MEGF10: variants seen among roughly 807,000 people sequenced by gnomAD.
MEGF10 encodes multiple epidermal growth factor-like domains protein 10.
Under a neutral mutation model 147.5 loss-of-function variants are expected in MEGF10, and 86 were observed. That is an observed-to-expected ratio of 0.58 (90% CI 0.49 to 0.70). The LOEUF (loss-of-function observed/expected upper bound fraction) is 0.70, where lower values mean the gene tolerates loss of function less well. Ranked by LOEUF, MEGF10 falls within the 30% of genes least tolerant of loss-of-function variation. The probability of loss-of-function intolerance (pLI) is 0.00; values close to 1 mark genes in which losing one functional copy is unlikely to be tolerated. For missense variants in MEGF10, 1,329 were observed against 1,487.3 expected, an observed-to-expected ratio of 0.89 and a Z score of 1.75; for synonymous variants, 478 against 525.5, an observed-to-expected ratio of 0.91 and a Z score of 1.24.
chr5:127,272,215 G>C, the MEGF10 span, among the ~76,000 whole-genome samples: 2 of 152,106 alleles, frequency 1.3e-5, no homozygotes, highest in African/African-American at 2.4e-5. Flanking sequence ...TATTTTGTCA[G>C]GTTAGTTGAA....
intron 22 of MEGF10, among the ~76,000 whole-genome samples, chr5:127,450,264 C>G (rs1766104189): frequency 6.6e-6 from 1 of 152,182 alleles, no homozygotes; most frequent in South Asian, 2.1e-4. Flanking sequence ...GCCTATAGCC[C>G]CAGCTACTTG....
intron 5 of MEGF10, among the ~76,000 whole-genome samples, chr5:127,376,360 G>T (rs1426037552): frequency 6.6e-6 from 1 of 152,168 alleles, no homozygotes; most frequent in Non-Finnish European, 1.5e-5. Context: ...TGAGAGAGTG[G>T]ATTGCGGAAT....
At chr5:127,317,345 T>C (rs925398803) in intron 1 of MEGF10, among the ~76,000 whole-genome samples, 3 of 152,240 alleles carry the variant, frequency 2.0e-5, no homozygotes, top group African/African-American at 7.2e-5. Flanking sequence ...TTTGTCAATT[T>C]TGGCTTTTGT....
chr5:127,288,844 C>G (rs1759113107), upstream of MEGF10, among the ~76,000 whole-genome samples: 3 of 152,140 alleles, frequency 2.0e-5, no homozygotes, highest in South Asian at 6.2e-4. Context: ...ATTTGGTAAA[C>G]TGGCAAACAA....
intron 9 of MEGF10, among the ~76,000 whole-genome samples, chr5:127,412,990 C>T (rs936709715): frequency 1.3e-5 from 2 of 152,108 alleles, no homozygotes; most frequent in Non-Finnish European, 2.9e-5. Flanking sequence ...AGTACAGACC[C>T]CCAACATACA....
At chr5:127,281,735 C>T in the MEGF10 span, among the ~76,000 whole-genome samples, 1 of 152,202 alleles carries the variant, frequency 6.6e-6, no homozygotes, top group Non-Finnish European at 1.5e-5. Context: ...CTGGACACTG[C>T]TGAAGGGCAG....
intron 3 of MEGF10, 63 bp downstream of exon 3, chr5:127,339,284 T>C: frequency 1.8e-6 from 2 of 1,119,334 alleles, no homozygotes; most frequent in Non-Finnish European, 2.7e-6. Flanking sequence ...AATACAGAGA[T>C]ATTAATGACA....
chr5:127,248,178 G>C, the MEGF10 span, among the ~76,000 whole-genome samples: 1 of 152,082 alleles, frequency 6.6e-6, no homozygotes, highest in East Asian at 1.9e-4. Context: ...GTATAGCCTA[G>C]CCCAAACAAA....
chr5:127,443,279 G>A (rs1355966261), intron 19 of MEGF10, among the ~76,000 whole-genome samples, 153 bp downstream of exon 19: 1 of 152,192 alleles, frequency 6.6e-6, no homozygotes, highest in Non-Finnish European at 1.5e-5. Context: ...CCAGATGAAT[G>A]CCTTATTGTT....
chr5:127,421,776 G>A (rs547991224), intron 12 of MEGF10, among the ~76,000 whole-genome samples: 9 of 151,592 alleles, frequency 5.9e-5, no homozygotes, highest in East Asian at 1.9e-4. Flanking sequence ...CATGTATCTC[G>A]TTGGCAACTT....
the MEGF10 span, among the ~76,000 whole-genome samples, chr5:127,256,224 A>T: frequency 1.6e-3 from 248 of 152,152 alleles, 1 homozygote; most frequent in African/African-American, 5.5e-3. Context: ...AAGAAATGTT[A>T]AAAAAAATTT....
chr5:127,258,870 T>C, the MEGF10 span, among the ~76,000 whole-genome samples: 2 of 152,298 alleles, frequency 1.3e-5, no homozygotes. Flanking sequence ...AATAAATTTC[T>C]GTTCACTACA....
At chr5:127,381,015 G>T (rs1354945280) in intron 5 of MEGF10, among the ~76,000 whole-genome samples, 1 of 152,178 alleles carries the variant, frequency 6.6e-6, no homozygotes, top group Non-Finnish European at 1.5e-5. Context: ...AGAGGGAGGA[G>T]TGACTTCTGA....
chr5:127,248,415 G>C, the MEGF10 span, among the ~76,000 whole-genome samples: 1 of 152,038 alleles, frequency 6.6e-6, no homozygotes, highest in Non-Finnish European at 1.5e-5. Context: ...ATCCTGAGAT[G>C]ATTCAGATTT....
chr5:127,254,640 G>A, the MEGF10 span, among the ~76,000 whole-genome samples: 3 of 151,318 alleles, frequency 2.0e-5, no homozygotes, highest in Non-Finnish European at 4.4e-5. Context: ...GCGAAACCTC[G>A]TCTCTACTAA....
chr5:127,239,459 A>AT, the MEGF10 span, among the ~76,000 whole-genome samples: 1 of 142,726 alleles, frequency 7.0e-6, no homozygotes, highest in East Asian at 2.0e-4. Context: ...TATTATATAT[A>AT]AAATATATAT....
chr5:127,389,247 G>C (rs1020216704), intron 5 of MEGF10, among the ~76,000 whole-genome samples: 1 of 152,198 alleles, frequency 6.6e-6, no homozygotes, highest in Non-Finnish European at 1.5e-5. Context: ...AATCCAGTCA[G>C]AATGGTTACT....
chr5:127,267,953 T>A, the MEGF10 span, among the ~76,000 whole-genome samples: 75 of 152,318 alleles, frequency 4.9e-4, no homozygotes, highest in Non-Finnish European at 9.4e-4. Context: ...ATTTCTTGCC[T>A]TCTGCTAGCT....
intron 9 of MEGF10, among the ~76,000 whole-genome samples, chr5:127,412,237 C>A (rs979656631): frequency 1.3e-5 from 2 of 152,170 alleles, no homozygotes; most frequent in South Asian, 4.1e-4. Flanking sequence ...TCAGTCTTTT[C>A]ATGATTTTGT....
Sources: allele counts gnomAD v4.1 joint callset (sites outside exome capture counted in the v4.1 genomes callset), GRCh38; gene constraint gnomAD v4.1.1; transcripts MANE v1.5; gene names NCBI Gene and HGNC (gene_info 2026-07-23, HGNC 2026-07-21).